Variants in RAP1A observed in about 807,000 individuals in gnomAD.
RAP1A encodes RAP1A, member of RAS oncogene family, also known as ras-related protein Rap-1A.
Under a neutral mutation model 26.4 loss-of-function variants are expected in RAP1A, and 6 were observed. The ratio of observed to expected loss-of-function variants is 0.23; its 90% CI spans 0.12 to 0.45. The LOEUF is 0.45. Among genes scored for constraint, RAP1A ranks in the 20% least tolerant of loss-of-function variants. RAP1A has a pLI of 0.99. For synonymous variants in RAP1A, 73 were observed against 79.4 expected, an observed-to-expected ratio of 0.92 and a Z score of 0.43; for missense variants, 121 against 217.2, an observed-to-expected ratio of 0.56 and a Z score of 2.78.
At chr1:111,695,440 A>T in intron 3 of RAP1A, 31 bp downstream of exon 3, 2 of 1,422,468 alleles carry the variant, frequency 1.4e-6, no homozygotes, top group Non-Finnish European at 9.5e-7. Flanking sequence ...ACACATGCTT[A>T]CAAGTAGTTC....
At chr1:111,556,316 C>T (rs1162477138) in intron 1 of RAP1A, among the ~76,000 whole-genome samples, 1 of 152,146 alleles carries the variant, frequency 6.6e-6, no homozygotes, top group Non-Finnish European at 1.5e-5. Flanking sequence ...TTATTGTGCA[C>T]TGCTGATGTC....
chr1:111,624,171 C>G (rs1423845393), intron 1 of RAP1A, among the ~76,000 whole-genome samples: 1 of 152,042 alleles, frequency 6.6e-6, no homozygotes, highest in Admixed American at 6.6e-5. Flanking sequence ...CGGCCTATTT[C>G]CAAGAATTTT....
At chr1:111,549,012 T>G (rs1657144759) in intron 1 of RAP1A, among the ~76,000 whole-genome samples, 1 of 152,236 alleles carries the variant, frequency 6.6e-6, no homozygotes, top group Non-Finnish European at 1.5e-5. Context: ...TCTTCTCATA[T>G]GTGTTTTCCA....
At chr1:111,682,888 A>G (rs1214825495) in intron 1 of RAP1A, among the ~76,000 whole-genome samples, 1 of 152,212 alleles carries the variant, frequency 6.6e-6, no homozygotes, top group African/African-American at 2.4e-5. Context: ...TCAGCACCAC[A>G]TAACACTTAT....
chr1:111,650,246 A>G (rs1660222614), intron 1 of RAP1A, among the ~76,000 whole-genome samples: 1 of 152,096 alleles, frequency 6.6e-6, no homozygotes, highest in Non-Finnish European at 1.5e-5. Flanking sequence ...GCCCTGAGAT[A>G]AATAGCTAGT....
At chr1:111,663,192 G>A (rs1269670113) in intron 1 of RAP1A, among the ~76,000 whole-genome samples, 3 of 152,172 alleles carry the variant, frequency 2.0e-5, no homozygotes, top group East Asian at 1.9e-4. Flanking sequence ...GATTACAGGC[G>A]TGAGCCACCG....
chr1:111,611,548 T>G (rs934688383), intron 1 of RAP1A, among the ~76,000 whole-genome samples: 1 of 152,212 alleles, frequency 6.6e-6, no homozygotes, highest in Non-Finnish European at 1.5e-5. Flanking sequence ...TAGCTAATAG[T>G]TTTTGAGCAC....
chr1:111,551,664 C>T (rs1480893660), intron 1 of RAP1A, among the ~76,000 whole-genome samples: 1 of 152,060 alleles, frequency 6.6e-6, no homozygotes, highest in African/African-American at 2.4e-5. Flanking sequence ...AACAAAAATA[C>T]ATTAATAACA....
In RAP1A at chr1:111,659,511, CT is replaced by C. The variant is rs371417275; in HGVS notation, c.-27-31810del. Among the ~76,000 whole-genome samples, 1,024 of 141,580 alleles carry C rather than the reference CT, an allele frequency of 7.2e-3. 9 individuals carry two copies. Among genetic ancestry groups the C allele is most frequent in the African/African-American group, 0.022 (865 of 38,948 alleles). The allele number at this position is 141,580 out of a possible 152,430, so 92.9% of individuals were successfully genotyped here. A position where few individuals can be genotyped will look rare whatever the true frequency, so the allele number is the denominator to read the frequency against. ...TTTCTTTAGTCCGTTGTGACAGTCT[CT>C]TTTTTTTTTTTTCTCTTATTATTAT... On this transcript the variant is annotated intron_variant, in intron 1 of 7. Coordinates refer to ENST00000369709, the MANE Select transcript of RAP1A (RefSeq NM_002884.4).
intron 1 of RAP1A, among the ~76,000 whole-genome samples, chr1:111,687,373 A>G (rs528237620): frequency 6.6e-6 from 1 of 152,016 alleles, no homozygotes; most frequent in African/African-American, 2.4e-5. Flanking sequence ...ATGCCCAGCT[A>G]ATTTTTATAT....
intron 1 of RAP1A, among the ~76,000 whole-genome samples, chr1:111,661,490 G>A (rs1660634769): frequency 6.6e-6 from 1 of 152,128 alleles, no homozygotes; most frequent in African/African-American, 2.4e-5. Context: ...CATAACTCCT[G>A]ATTGCCAGGT....
intron 2 of RAP1A, among the ~76,000 whole-genome samples, chr1:111,692,958 T>G (rs1483669286): frequency 6.6e-6 from 1 of 152,182 alleles, no homozygotes; most frequent in African/African-American, 2.4e-5. Flanking sequence ...TTTAGTCCTA[T>G]GTCCATGAAT....
intron 1 of RAP1A, chr1:111,686,775 A>G (rs1029467619): frequency 2.6e-5 from 4 of 151,790 alleles, no homozygotes; most frequent in Admixed American, 6.6e-5. Context: ...GTAACCTAAA[A>G]TGGTAACTGT....
At chr1:111,609,845 G>A (rs1658890485) in intron 1 of RAP1A, among the ~76,000 whole-genome samples, 1 of 152,100 alleles carries the variant, frequency 6.6e-6, no homozygotes, top group Non-Finnish European at 1.5e-5. Context: ...TTGTTGGCCA[G>A]GCTGGGTTTC....
intron 1 of RAP1A, among the ~76,000 whole-genome samples, chr1:111,607,615 G>A (rs1307302318): frequency 1.3e-5 from 2 of 149,050 alleles, no homozygotes; most frequent in Non-Finnish European, 3.0e-5. Flanking sequence ...CTCACCTCCC[G>A]GACAGGGTGG....
intron 1 of RAP1A, among the ~76,000 whole-genome samples, chr1:111,610,142 A>G (rs1351745613): frequency 1.3e-5 from 2 of 152,186 alleles, no homozygotes; most frequent in East Asian, 1.9e-4. Context: ...GAAAAATACT[A>G]TATTCCTTTG....
intron 1 of RAP1A, among the ~76,000 whole-genome samples, chr1:111,636,154 A>G (rs36080794): frequency 0.016 from 2,458 of 152,264 alleles, 32 homozygotes; most frequent in Middle Eastern, 0.037. Flanking sequence ...TCTGTTAACT[A>G]GAGAATTGAA....
chr1:111,653,590 A>G (rs990679010), intron 1 of RAP1A, among the ~76,000 whole-genome samples: 1 of 149,754 alleles, frequency 6.7e-6, no homozygotes, highest in East Asian at 2.0e-4. Flanking sequence ...AGGCTGAGGC[A>G]GGAGAATCCT....
chr1:111,556,488 T>G (rs917304403), intron 1 of RAP1A, among the ~76,000 whole-genome samples: 1 of 152,090 alleles, frequency 6.6e-6, no homozygotes, highest in Non-Finnish European at 1.5e-5. Flanking sequence ...TGCCATAGGG[T>G]GGAGGCAACC....
Sources: gnomAD v4.1 joint callset for allele counts (sites outside exome capture counted in the v4.1 genomes callset) on GRCh38, gnomAD v4.1.1 for gene constraint, MANE v1.5 for transcripts, NCBI Gene and HGNC (gene_info 2026-07-23, HGNC 2026-07-21) for gene names.